The following RIPPLY3 variants were observed in gnomAD, a reference collection of about 807,000 sequenced individuals.
RIPPLY3 encodes the protein ripply transcriptional repressor 3.
A neutral mutation model predicts 11.9 loss-of-function variants in RIPPLY3; 8 were observed. That is an observed-to-expected ratio of 0.67 (90% CI 0.40 to 1.21). The LOEUF (loss-of-function observed/expected upper bound fraction) is 1.21. Ranked by LOEUF, RIPPLY3 falls within the 50% of genes most tolerant of loss-of-function variation. RIPPLY3 has a pLI of 0.01. For synonymous variants in RIPPLY3, 102 were observed against 99.0 expected (o/e 1.03, Z -0.18); for missense variants, 271 against 246.0 (o/e 1.10, Z -0.68).
intron 1 of RIPPLY3, among the ~76,000 whole-genome samples, chr21:37,007,715 T>G (rs1306267369): frequency 3.9e-5 from 6 of 152,094 alleles, no homozygotes; most frequent in Non-Finnish European, 5.9e-5. Context: ...AGCCCCCTTT[T>G]TTTGTTTGTT....
chr21:37,010,194 A>G (rs566552591), intron 2 of RIPPLY3, among the ~76,000 whole-genome samples: 7 of 152,224 alleles, frequency 4.6e-5, no homozygotes, highest in Admixed American at 1.3e-4. Flanking sequence ...AAGCAAAACT[A>G]GAATAAAACC....
At chr21:37,006,392 C>G (rs1257487919), upstream of RIPPLY3, among the ~76,000 whole-genome samples, 1 of 152,158 alleles carries the variant, frequency 6.6e-6, no homozygotes, top group East Asian at 1.9e-4. This position sits in a 1 kb window ranked among gnomAD's most constrained non-coding sequence, Gnocchi z 5.2. Flanking sequence ...CTCTGGTCAC[C>G]CCTTCTCTGG....
chr21:37,006,678 C>T, upstream of RIPPLY3: 1 of 818,798 alleles, frequency 1.2e-6, no homozygotes, highest in Non-Finnish European at 1.6e-6. The surrounding 1 kb of genome is among the most constrained non-coding windows in gnomAD (Gnocchi z 5.2). Context: ...CGTTTTTAAA[C>T]CTGGCGCGCG....
chr21:37,007,252 C>T (rs2069473947), intron 1 of RIPPLY3, among the ~76,000 whole-genome samples: 1 of 152,060 alleles, frequency 6.6e-6, no homozygotes, highest in Non-Finnish European at 1.5e-5. Flanking sequence ...TTCTGTTGTC[C>T]CTGGATTGGG....
chr21:37,017,694 G>A (rs1471357640), intron 3 of RIPPLY3, among the ~76,000 whole-genome samples, 180 bp from the exon 4 acceptor site: 2 of 152,046 alleles, frequency 1.3e-5, no homozygotes, highest in Non-Finnish European at 2.9e-5. Flanking sequence ...TTTATCACCA[G>A]GTGCCTCCAA....
Position 37,006,740 on chromosome 21 carries a change from G to T in RIPPLY3, c.-33G>T. 8.3e-7 allele frequency: 1 copy of T among 1,206,006 alleles called. No individual in the cohort carries two copies. Among genetic ancestry groups the T allele is most frequent in the Non-Finnish European group, 1.0e-6 (1 of 965,606 alleles). The allele number at this position is 1,206,006 out of a possible 1,614,324, so 74.7% of individuals were successfully genotyped here. A position where few individuals can be genotyped will look rare whatever the true frequency, so the allele number is the denominator to read the frequency against. ...GATCTAGGCGCGCTCGTAGGCCGGC[G>T]CCGCAGCAAGGGGCGCGGGCTCCGC... On this transcript the variant is annotated 5_prime_UTR_variant, in exon 1 of 4. Transcript: ENST00000329553. This position sits in a 1 kb window ranked among gnomAD's most constrained non-coding sequence, Gnocchi z 5.2.
intron 2 of RIPPLY3, among the ~76,000 whole-genome samples, chr21:37,010,615 C>T (rs1363161522): frequency 6.6e-6 from 1 of 152,244 alleles, no homozygotes; most frequent in Non-Finnish European, 1.5e-5. Context: ...AGCTATCTCC[C>T]TCCCCTACCT....
chr21:37,012,203 C>T (rs1020400427), intron 2 of RIPPLY3, among the ~76,000 whole-genome samples: 4 of 127,294 alleles, frequency 3.1e-5, no homozygotes, highest in Admixed American at 1.7e-4. Context: ...AGACCATTTC[C>T]GCTCCTTATT....
At chr21:37,008,314 G>T (rs1292952203) in intron 2 of RIPPLY3, 91 bp downstream of exon 2, 8 of 1,348,586 alleles carry the variant, frequency 5.9e-6, no homozygotes, top group African/African-American at 5.8e-5. Flanking sequence ...GGCCTTCTGC[G>T]CAGGGCCGTC....
intron 3 of RIPPLY3, among the ~76,000 whole-genome samples, chr21:37,014,279 C>T (rs1417680941): frequency 6.6e-6 from 1 of 152,052 alleles, no homozygotes; most frequent in African/African-American, 2.4e-5. Flanking sequence ...GATCACGCCA[C>T]TGTACTCCAG....
rs1282459688 is a variant in RIPPLY3, at chr21:37,012,888, G to C, written c.172-663G>C. Among the ~76,000 whole-genome samples, 4 of 145,810 alleles carry C rather than the reference G, an allele frequency of 2.7e-5. No homozygotes were observed. The East Asian group carries it at 6.0e-4, about 22-fold the overall frequency. ...ATTTTTTTTTTTTTTTTTTTGAGAC[G>C]GAGTGTCGCTCTGTCGTCCAGGCTG... On this transcript the variant is annotated intron_variant, in intron 2 of 3. Transcript: ENST00000329553.
intron 1 of RIPPLY3, among the ~76,000 whole-genome samples, chr21:37,007,354 G>A (rs1306121518): frequency 6.6e-6 from 1 of 151,734 alleles, no homozygotes; most frequent in Non-Finnish European, 1.5e-5. Context: ...GGAAGGGACC[G>A]GGTAGGCCGG....
chr21:37,008,143 G>C lies in RIPPLY3; in HGVS notation c.105-14G>C. On this transcript the variant is annotated splice_polypyrimidine_tract_variant and intron_variant, in intron 1 of 3. Coordinates refer to ENST00000329553, the MANE Select transcript of RIPPLY3 (RefSeq NM_018962.3). ...TGCCCAGGGTTCACTCTCTCCTGGC[G>C]CTTGCCGTTCCAGCCCCGCGCCGTG... The C allele has an allele frequency of 6.2e-7, 1 of 1,613,984 alleles. No homozygotes were observed. Among genetic ancestry groups the C allele is most frequent in the Non-Finnish European group, 8.5e-7 (1 of 1,179,924 alleles).
Position 37,013,589 on chromosome 21 carries a change from G to A in RIPPLY3, c.210G>A (p.Lys70=). ...PRADQHTFGS[K]GAFGFQHPVR... is the part of the protein sequence containing the mutation. Reference sequence around the variant, plus strand: ...CTGACCAACACACTTTTGGATCAAAGGGAGCCTTTGGGTTTCAGCATCCTG... The same window carrying A: ...CTGACCAACACACTTTTGGATCAAAAGGAGCCTTTGGGTTTCAGCATCCTG... Residue 70 remains lysine, a synonymous_variant, in exon 3 of 4, where the codon AAG becomes AAA. Transcript: ENST00000329553. 6.2e-7 allele frequency: 1 copy of A among 1,613,752 alleles called. No homozygotes were observed. The highest frequency in any genetic ancestry group is 8.5e-7 in the Non-Finnish European group (1 of 1,179,768).
At position 37,008,690 on chromosome 21, in the gene RIPPLY3, G is replaced by A. The variant is rs140340097; in HGVS notation, c.171+467G>A. Among the ~76,000 whole-genome samples the A allele has an allele frequency of 9.1e-3, 1,372 of 150,578 alleles. 16 individuals carry two copies. The highest frequency in any genetic ancestry group is 0.031 in the African/African-American group (1,280 of 40,858). On this transcript the variant is annotated intron_variant, in intron 2 of 3. Transcript: ENST00000329553. ...GGAGAATCGCTTGAACCCGGGAGGCGGAGGTTGCAGGGAGCCGAGATCATG... is the reference window on the plus strand; with the variant it reads ...GGAGAATCGCTTGAACCCGGGAGGCAGAGGTTGCAGGGAGCCGAGATCATG...
intron 3 of RIPPLY3, 95 bp downstream of exon 3, chr21:37,013,713 A>G (rs2069550257): frequency 1.2e-6 from 1 of 852,646 alleles, no homozygotes; most frequent in Non-Finnish European, 1.9e-6. Flanking sequence ...TTGTCAACAA[A>G]GTGGAAAATA....
chr21:37,008,367 G>C, intron 2 of RIPPLY3, 144 bp downstream of exon 2: 1 of 717,950 alleles, frequency 1.4e-6, no homozygotes, highest in Admixed American at 2.8e-5. Context: ...TCTGGGAGTT[G>C]GAACCTGAAT....
Position 37,008,348 on chromosome 21 carries a change from G to A in RIPPLY3, c.171+125G>A, listed in dbSNP as rs75064717. ...TCCCTTGGGCGTCTAACCCAGGAGCGCCTCGGGGTCTGGGAGTTGGAACCT... is the reference window on the plus strand; with the variant it reads ...TCCCTTGGGCGTCTAACCCAGGAGCACCTCGGGGTCTGGGAGTTGGAACCT... On this transcript the variant is annotated intron_variant, in intron 2 of 3. Transcript: ENST00000329553. The A allele has an allele frequency of 2.0e-5, 19 of 939,200 alleles. No homozygotes were observed. In the East Asian group the frequency reaches 4.5e-4, roughly 22 times the overall value. 58.2% of individuals were successfully genotyped at this position (939,200 alleles called of 1,614,324 possible).
chr21:37,010,875 G>A (rs1601096145), intron 2 of RIPPLY3, among the ~76,000 whole-genome samples: 2 of 152,274 alleles, frequency 1.3e-5, no homozygotes, highest in Middle Eastern at 3.4e-3. Context: ...TATGTTAAAC[G>A]CAGTGCTTGC....
Sources: allele counts gnomAD v4.1 joint callset (sites outside exome capture counted in the v4.1 genomes callset), GRCh38; gene constraint gnomAD v4.1.1; non-coding constraint Gnocchi (gnomAD v3.1); transcripts MANE v1.5; gene names NCBI Gene and HGNC (gene_info 2026-07-23, HGNC 2026-07-21).